The following NFIB variants were observed in gnomAD, a reference collection of about 807,000 sequenced individuals.
NFIB encodes the protein nuclear factor 1 B-type.
NFIB carries 11 observed loss-of-function variants against 61.5 expected under a neutral mutation model. The ratio of observed to expected loss-of-function variants is 0.18; its 90% CI spans 0.11 to 0.30. The LOEUF (loss-of-function observed/expected upper bound fraction) is 0.30, where lower values mean the gene tolerates loss of function less well. Among genes scored for constraint, NFIB ranks in the 10% least tolerant of loss-of-function variants. The pLI, the probability that NFIB is intolerant of heterozygous loss-of-function variation, is 1.00. For missense variants in NFIB, 471 were observed against 608.9 expected (o/e 0.77, Z 2.38); for synonymous variants, 260 against 216.5 (o/e 1.20, Z -1.76).
rs78057318 is a variant in NFIB, at chr9:14,123,383, T to C, written c.1060+2249A>G. 0.011 allele frequency among the ~76,000 whole-genome samples: 1,735 copies of C among 152,366 alleles called. 124 individuals are homozygous for C. The East Asian group carries it at 0.19, about 16-fold the overall frequency. On this transcript the variant is annotated intron_variant, in intron 7 of 10. Coordinates refer to ENST00000380953, the MANE Select transcript of NFIB (RefSeq NM_001190737.2). ...CATACATTATTGCAAAGCCTTATTGTCTTCTTTCCTTCAGTCTTGCTCCTT... is the reference window on the plus strand; with the variant it reads ...CATACATTATTGCAAAGCCTTATTGCCTTCTTTCCTTCAGTCTTGCTCCTT...
chr9:14,170,410 G>C (rs2045436759), intron 3 of NFIB, among the ~76,000 whole-genome samples: 1 of 152,162 alleles, frequency 6.6e-6, no homozygotes, highest in Non-Finnish European at 1.5e-5. Context: ...GGGAGGCTGA[G>C]GTGGGAGGAT....
chr9:14,388,146 G>T (rs1171624579), intron 1 of NFIB, among the ~76,000 whole-genome samples: 1 of 152,112 alleles, frequency 6.6e-6, no homozygotes, highest in African/African-American at 2.4e-5. Context: ...AGTATTATAG[G>T]ATACTACAGT....
At chr9:14,518,699 G>A in the NFIB span, among the ~76,000 whole-genome samples, 2 of 152,194 alleles carry the variant, frequency 1.3e-5, no homozygotes, top group East Asian at 3.9e-4. Context: ...AAGTTGTAGA[G>A]GAAGGGAAGC....
intron 2 of NFIB, among the ~76,000 whole-genome samples, chr9:14,256,143 T>A (rs1212397861): frequency 6.6e-6 from 1 of 152,186 alleles, no homozygotes; most frequent in Non-Finnish European, 1.5e-5. Flanking sequence ...GACCCACTTT[T>A]TCTAGAAGCC....
the NFIB span, among the ~76,000 whole-genome samples, chr9:14,516,639 C>A: frequency 2.0e-5 from 3 of 152,176 alleles, no homozygotes; most frequent in Non-Finnish European, 4.4e-5. Flanking sequence ...TAGATGCAAT[C>A]TTTTTCCAAT....
At chr9:14,373,710 G>A (rs1231737134) in intron 1 of NFIB, among the ~76,000 whole-genome samples, 1 of 151,798 alleles carries the variant, frequency 6.6e-6, no homozygotes, top group Non-Finnish European at 1.5e-5. Context: ...AAGAAAATGA[G>A]TGAAAAGGAA....
chr9:14,466,885 G>A, the NFIB span, among the ~76,000 whole-genome samples: 1 of 152,134 alleles, frequency 6.6e-6, no homozygotes, highest in African/African-American at 2.4e-5. Flanking sequence ...AAGAAAACCA[G>A]ACAGGCTGAC....
the NFIB span, among the ~76,000 whole-genome samples, chr9:14,471,415 G>GC: frequency 1.3e-5 from 2 of 152,146 alleles, no homozygotes; most frequent in African/African-American, 4.8e-5. Flanking sequence ...CATGTGGAAT[G>GC]CCCCCCAGAA....
At chr9:14,467,285 G>C in the NFIB span, among the ~76,000 whole-genome samples, 2 of 152,174 alleles carry the variant, frequency 1.3e-5, no homozygotes, top group Non-Finnish European at 2.9e-5. Context: ...CCTTACCTGA[G>C]TCACTGAGAG....
At chr9:14,205,447 C>A (rs2049580831) in intron 2 of NFIB, among the ~76,000 whole-genome samples, 1 of 151,602 alleles carries the variant, frequency 6.6e-6, no homozygotes, top group South Asian at 2.1e-4. Context: ...GATATATACA[C>A]AAGGTATATA....
intron 2 of NFIB, among the ~76,000 whole-genome samples, chr9:14,272,765 A>G (rs1419572551): frequency 6.6e-6 from 1 of 152,104 alleles, no homozygotes; most frequent in African/African-American, 2.4e-5. Flanking sequence ...GTTAATTTTA[A>G]AACAGAACAT....
At chr9:14,090,853 A>G (rs2033793261) in intron 10 of NFIB, among the ~76,000 whole-genome samples, 1 of 152,068 alleles carries the variant, frequency 6.6e-6, no homozygotes, top group Non-Finnish European at 1.5e-5. Flanking sequence ...CCTTACATGG[A>G]CAAGTCTACC....
intron 1 of NFIB, among the ~76,000 whole-genome samples, chr9:14,355,532 G>A (rs2061166099): frequency 6.6e-6 from 1 of 152,142 alleles, no homozygotes; most frequent in Non-Finnish European, 1.5e-5. Flanking sequence ...GCAGACCCAG[G>A]GTTACCAGAT....
intron 3 of NFIB, among the ~76,000 whole-genome samples, chr9:14,157,430 AAAG>A (rs1381791148): frequency 6.6e-6 from 1 of 152,206 alleles, no homozygotes; most frequent in African/African-American, 2.4e-5. Context: ...AAACAGAATG[AAAG>A]AAGGAGTGAG....
chr9:14,262,047 G>C (rs150613763), intron 2 of NFIB, among the ~76,000 whole-genome samples: 1 of 152,074 alleles, frequency 6.6e-6, no homozygotes, highest in Non-Finnish European at 1.5e-5. Context: ...TTGGTGTATC[G>C]GTTTCTGAGC....
chr9:14,284,012 T>C (rs916314421), intron 2 of NFIB, among the ~76,000 whole-genome samples: 5 of 152,016 alleles, frequency 3.3e-5, no homozygotes, highest in African/African-American at 9.7e-5. Flanking sequence ...TTTTAAAAAA[T>C]AGTTTTACTG....
rs1050902050 is a variant in NFIB, at chr9:14,134,788, T to C, written c.926-9022A>G. On this transcript the variant is annotated intron_variant, in intron 6 of 10. Coordinates refer to ENST00000380953, the MANE Select transcript of NFIB (RefSeq NM_001190737.2). ...GGCGTGCATCTGTAATACCAGCTAC[T>C]GGGGAGGTTAGGGCAGGAAGAGTTG... 1.4e-5 allele frequency among the ~76,000 whole-genome samples: 2 copies of C among 147,904 alleles called. 1 individual carries two copies. Among genetic ancestry groups the C allele is most frequent in the Admixed American group, 1.4e-4 (2 of 14,504 alleles).
At chr9:14,186,726 A>G (rs1347452004) in intron 2 of NFIB, among the ~76,000 whole-genome samples, 1 of 151,580 alleles carries the variant, frequency 6.6e-6, no homozygotes, top group African/African-American at 2.4e-5. Context: ...ACAGAACACT[A>G]GCTTTCCATA....
At chr9:14,097,865 T>TTTC (rs1339674583) in intron 10 of NFIB, among the ~76,000 whole-genome samples, 1 of 134,604 alleles carries the variant, frequency 7.4e-6, no homozygotes, top group Non-Finnish European at 1.6e-5. Flanking sequence ...TTTTTCTTTC[T>TTTC]TTCTTTTTTC....
Sources: gnomAD v4.1 joint callset for allele counts (sites outside exome capture counted in the v4.1 genomes callset) on GRCh38, gnomAD v4.1.1 for gene constraint, MANE v1.5 for transcripts, NCBI Gene and HGNC (gene_info 2026-07-23, HGNC 2026-07-21) for gene names.